ANO10: variants seen among roughly 807,000 people sequenced by gnomAD.
ANO10 encodes anoctamin-10.
Under a neutral mutation model 74.7 loss-of-function variants are expected in ANO10, and 77 were observed. The ratio of observed to expected loss-of-function variants is 1.03; its 90% CI spans 0.86 to 1.25. ANO10 has a LOEUF of 1.25. ANO10 is among the 50% of genes most tolerant of loss of function. The pLI, the probability that ANO10 is intolerant of heterozygous loss-of-function variation, is 0.00. For synonymous variants in ANO10, 279 were observed against 284.9 expected, an observed-to-expected ratio of 0.98 and a Z score of 0.21; for missense variants, 721 against 778.1, an observed-to-expected ratio of 0.93 and a Z score of 0.87.
intron 11 of ANO10, among the ~76,000 whole-genome samples, chr3:43,525,115 C>A (rs999621150): frequency 8.5e-5 from 13 of 152,144 alleles, no homozygotes; most frequent in Non-Finnish European, 4.4e-5. Flanking sequence ...CCCCACCGAC[C>A]AATGACTGCC....
At chr3:43,592,953 C>A (rs997791313) in intron 4 of ANO10, among the ~76,000 whole-genome samples, 2 of 152,166 alleles carry the variant, frequency 1.3e-5, no homozygotes, top group African/African-American at 4.8e-5. Context: ...ACAAGAATTA[C>A]GTGATGCATG....
intron 1 of ANO10, among the ~76,000 whole-genome samples, chr3:43,651,771 T>C (rs1454543494): frequency 1.3e-5 from 2 of 152,220 alleles, no homozygotes; most frequent in Non-Finnish European, 2.9e-5. Flanking sequence ...GGGCAGGTTC[T>C]ATTTTGTACC....
At chr3:43,426,561 T>TGG (rs10638285) in intron 12 of ANO10, among the ~76,000 whole-genome samples, 1 of 1,644 alleles carries the variant, frequency 6.1e-4, no homozygotes, top group Non-Finnish European at 5.2e-3. Flanking sequence ...CCCTGGCTTC[T>TGG]GTGTGTTCTG....
At chr3:43,417,424 T>C (rs905483972) in intron 12 of ANO10, among the ~76,000 whole-genome samples, 1 of 152,180 alleles carries the variant, frequency 6.6e-6, no homozygotes, top group Non-Finnish European at 1.5e-5. Context: ...TGAGCCCTAC[T>C]TAAATCAGAC....
At chr3:43,447,833 T>C (rs1260699433) in intron 11 of ANO10, among the ~76,000 whole-genome samples, 1 of 152,248 alleles carries the variant, frequency 6.6e-6, no homozygotes, top group Non-Finnish European at 1.5e-5. Flanking sequence ...CTACAATTGA[T>C]GTACCAATAC....
chr3:43,627,881 G>A (rs955108074), intron 1 of ANO10, among the ~76,000 whole-genome samples: 22 of 151,762 alleles, frequency 1.4e-4, no homozygotes, highest in Non-Finnish European at 2.4e-4. Context: ...TAGTAGTTGG[G>A]TTTTTTGTTT....
chr3:43,384,213 C>T (rs138118288), intron 12 of ANO10, among the ~76,000 whole-genome samples: 3,652 of 151,344 alleles, frequency 0.024, 221 homozygotes, highest in Admixed American at 0.13. Context: ...TAGGAATATA[C>T]CTAACCAAGG....
Position 43,574,881 on chromosome 3 carries a change from C to T in ANO10, c.1163-17G>A. ...TGTGATTCTCTAAAACATTAAAACA[C>T]ACAGGTAACTTCTCAGTAAGAAAAC... On this transcript the variant is annotated splice_polypyrimidine_tract_variant and intron_variant, in intron 6 of 12. Coordinates refer to ENST00000292246, the MANE Select transcript of ANO10 (RefSeq NM_018075.5). 1 of 1,610,026 alleles carries T rather than the reference C, an allele frequency of 6.2e-7. No homozygotes were observed. The highest frequency in any genetic ancestry group is 8.5e-7 in the Non-Finnish European group (1 of 1,176,416).
intron 11 of ANO10, among the ~76,000 whole-genome samples, chr3:43,516,672 G>A (rs753216224): frequency 3.9e-5 from 6 of 152,192 alleles, no homozygotes; most frequent in Non-Finnish European, 8.8e-5. Context: ...AGACATGACA[G>A]CAGTGGCCTG....
At position 43,576,910 on chromosome 3, in the gene ANO10, T is replaced by A. The variant is rs1575467910; in HGVS notation, c.944A>T (p.Tyr315Phe). The A allele has an allele frequency of 6.2e-7, 1 of 1,613,958 alleles. No homozygotes were observed. The highest frequency in any genetic ancestry group is 1.3e-5 in the African/African-American group (1 of 74,892). The change falls in exon 6 of 13, where the codon TAC (tyrosine) becomes TTC (phenylalanine). Residue 315 changes from tyrosine to phenylalanine, a missense_variant. Coordinates refer to ENST00000292246, the MANE Select transcript of ANO10 (RefSeq NM_018075.5). ...GCACACGAATGGCAGGGAGACCAGGTAAATGCGCAACTGTCTCTTGTAGCT... is the reference window on the plus strand; with the variant it reads ...GCACACGAATGGCAGGGAGACCAGGAAAATGCGCAACTGTCTCTTGTAGCT... The part of the protein sequence containing the change: ...YPSYKRQLRI[Y>F]LVSLPFVCLC...
At chr3:43,444,555 T>G (rs2093212655) in intron 11 of ANO10, among the ~76,000 whole-genome samples, 1 of 152,224 alleles carries the variant, frequency 6.6e-6, no homozygotes, top group Non-Finnish European at 1.5e-5. Flanking sequence ...TACTATATAC[T>G]TACTTCATTT....
chr3:43,605,718 A>T lies in ANO10; in HGVS notation c.135T>A (p.Asp45Glu), dbSNP rs928206763. The T allele has an allele frequency of 6.2e-7, 1 of 1,613,358 alleles. No homozygotes were observed. Among genetic ancestry groups the T allele is most frequent in the Non-Finnish European group, 8.5e-7 (1 of 1,179,490 alleles). The change falls in exon 2 of 13, where the codon GAT becomes GAA. Residue 45 changes from aspartate to glutamate, a missense_variant. Asp to Glu is a conservative substitution (Grantham distance 45). Coordinates refer to ENST00000292246, the MANE Select transcript of ANO10 (RefSeq NM_018075.5). ...AGCAGTGACTATTTTACTCACCTCC[A>T]TCTTTTTTTTTAGCTATAATTCTGT... Reference protein sequence around the residue: ...LKNRIIAKKKDGGAQLLFRPL... With the variant: ...LKNRIIAKKKEGGAQLLFRPL...
In ANO10 at chr3:43,613,285, A is replaced by G. The variant is rs532847018; in HGVS notation, c.-11-7422T>C. On this transcript the variant is annotated intron_variant, in intron 1 of 12. Transcript: ENST00000292246. ...CAATGAAGGAAATCAGATCAAGACA[A>G]AATCTAGTGGTCACCTCCAAATAGC... Among the ~76,000 whole-genome samples the G allele has an allele frequency of 5.3e-5, 8 of 152,326 alleles. No homozygotes were observed. The East Asian group carries it at 5.8e-4, about 11-fold the overall frequency.
intron 3 of ANO10, among the ~76,000 whole-genome samples, 175 bp from the exon 4 acceptor site, chr3:43,598,841 TAAAA>T: frequency 6.6e-6 from 1 of 152,278 alleles, no homozygotes; most frequent in East Asian, 1.9e-4. Context: ...TTTATAAGAA[TAAAA>T]AAATTCTGTT....
chr3:43,503,465 T>C (rs997641687), intron 11 of ANO10, among the ~76,000 whole-genome samples: 1 of 152,158 alleles, frequency 6.6e-6, no homozygotes, highest in Non-Finnish European at 1.5e-5. Flanking sequence ...AGATCAAATG[T>C]GATGGCTCCA....
chr3:43,594,250 A>C (rs2081963314), intron 4 of ANO10, among the ~76,000 whole-genome samples: 1 of 152,232 alleles, frequency 6.6e-6, no homozygotes, highest in South Asian at 2.1e-4. Context: ...TCAGCTCTCC[A>C]CCAAGCGGAC....
chr3:43,598,963 A>G (rs1178934840), intron 3 of ANO10, among the ~76,000 whole-genome samples: 1 of 152,200 alleles, frequency 6.6e-6, no homozygotes, highest in Non-Finnish European at 1.5e-5. Flanking sequence ...AGAAAGCAGT[A>G]TGTTCTTTTA....
intron 1 of ANO10, among the ~76,000 whole-genome samples, chr3:43,634,380 T>A (rs2083584065): frequency 6.6e-6 from 1 of 151,854 alleles, no homozygotes; most frequent in South Asian, 2.1e-4. Context: ...CAGTGAAAAG[T>A]AGGTGTCTTT....
intron 12 of ANO10, 44 bp downstream of exon 12, chr3:43,432,567 A>G (rs776826424): frequency 6.9e-7 from 1 of 1,438,994 alleles, no homozygotes; most frequent in Non-Finnish European, 9.8e-7. Context: ...TTTTCCTGTC[A>G]TTTGCTAAAG....
Sources: allele counts gnomAD v4.1 joint callset (sites outside exome capture counted in the v4.1 genomes callset), GRCh38; gene constraint gnomAD v4.1.1; transcripts MANE v1.5; gene names NCBI Gene and HGNC (gene_info 2026-07-23, HGNC 2026-07-21).